Variants in KRT8 observed in about 807,000 individuals in gnomAD.
KRT8 encodes the protein keratin 8.
A neutral mutation model predicts 43.0 loss-of-function variants in KRT8; 24 were observed. The observed-to-expected ratio is 0.56, with a 90% CI of 0.40 to 0.78. The LOEUF (loss-of-function observed/expected upper bound fraction) is 0.78, where lower values mean the gene tolerates loss of function less well. Ranked by LOEUF, KRT8 falls within the 30% of genes least tolerant of loss-of-function variation. KRT8 has a pLI of 0.00. For missense variants in KRT8, 492 were observed against 638.4 expected, an observed-to-expected ratio of 0.77 and a Z score of 2.47; for synonymous variants, 214 against 261.2, an observed-to-expected ratio of 0.82 and a Z score of 1.74.
At chr12:52,917,708 C>CAAAAAAAAAAAAA (rs535303270) in intron 2 of KRT8, among the ~76,000 whole-genome samples, 157 of 29,862 alleles carry the variant, frequency 5.3e-3, no homozygotes, top group South Asian at 0.013. Context: ...GACTCTGTCT[C>CAAAAAAAAAAAAA]AAAAAAAAAA....
At chr12:52,919,256 G>T (rs1427705820) in intron 2 of KRT8, among the ~76,000 whole-genome samples, 3 of 151,822 alleles carry the variant, frequency 2.0e-5, no homozygotes, top group Admixed American at 2.0e-4. Flanking sequence ...ATCATGATGG[G>T]TTTCTTTTTT....
intron 5 of KRT8, among the ~76,000 whole-genome samples, chr12:52,899,302 A>G (rs111748820): frequency 0.041 from 6,249 of 152,124 alleles, 162 homozygotes; most frequent in African/African-American, 0.068. Context: ...GCGACAGAGC[A>G]AGACTCTGTC....
chr12:52,923,665 G>A (rs553775478), intron 2 of KRT8, among the ~76,000 whole-genome samples: 45 of 152,110 alleles, frequency 3.0e-4, no homozygotes, highest in African/African-American at 9.6e-4. Flanking sequence ...TGATCCGCCC[G>A]CCTCGGCCTC....
chr12:52,897,773 C>T (rs919351527), intron 7 of KRT8, among the ~76,000 whole-genome samples, 155 bp from the exon 8 acceptor site: 2 of 152,230 alleles, frequency 1.3e-5, no homozygotes, highest in African/African-American at 4.8e-5. Flanking sequence ...TACTCCAGAA[C>T]TGTCAGGGAA....
chr12:52,916,741 ACAGTC>A (rs1280272907), intron 2 of KRT8, among the ~76,000 whole-genome samples: 5 of 152,148 alleles, frequency 3.3e-5, no homozygotes, highest in African/African-American at 9.7e-5. Flanking sequence ...AAAACCCACC[ACAGTC>A]CTCAGCAGCA....
chr12:52,898,041 G>A (rs1941258093), intron 7 of KRT8, among the ~76,000 whole-genome samples: 1 of 152,224 alleles, frequency 6.6e-6, no homozygotes, highest in East Asian at 1.9e-4. Flanking sequence ...GTATGCGCCT[G>A]TAGTCCCAGC....
At chr12:52,928,545 C>A (rs747025359) in intron 2 of KRT8, among the ~76,000 whole-genome samples, 20 of 152,206 alleles carry the variant, frequency 1.3e-4, no homozygotes, top group Non-Finnish European at 2.5e-4. Context: ...CTCCCACCCC[C>A]ATCCCAGGCT....
intron 2 of KRT8, among the ~76,000 whole-genome samples, chr12:52,918,391 C>T (rs983682777): frequency 6.6e-6 from 1 of 152,058 alleles, no homozygotes; most frequent in African/African-American, 2.4e-5. Flanking sequence ...CTGCATGCAT[C>T]ACCTCATTTA....
In KRT8 at chr12:52,902,862, AT is replaced by A. The variant is rs372972067; in HGVS notation, c.325-791del. On this transcript the variant is annotated intron_variant, in intron 1 of 7. Transcript: ENST00000692008. The stretch of plus-strand genomic sequence containing the variant: ...CCCTGTCCCTACAAATAATACAAAA[AT>A]TAACCGGGCATGGTGGCACGCACTT... Among the ~76,000 whole-genome samples the A allele has an allele frequency of 5.7e-4, 86 of 152,204 alleles. 1 individual carries two copies. The South Asian group carries it at 9.7e-3, about 17-fold the overall frequency.
chr12:52,938,170 A>ATATATATATATATATATATATATTTT (rs1555189967), intron 2 of KRT8, among the ~76,000 whole-genome samples: 1 of 30,318 alleles, frequency 3.3e-5, no homozygotes, highest in Non-Finnish European at 5.9e-5. Flanking sequence ...ATATATATAT[A>ATATATATATATATATATATATATTTT]TTTTTTTTTT....
At chr12:52,936,608 G>A (rs1340906557) in intron 2 of KRT8, among the ~76,000 whole-genome samples, 1 of 152,164 alleles carries the variant, frequency 6.6e-6, no homozygotes, top group Non-Finnish European at 1.5e-5. Context: ...TGCCTCCCAG[G>A]TTCAAGCGAT....
chr12:52,899,025 A>G, intron 5 of KRT8, 126 bp from the exon 6 acceptor site: 1 of 839,934 alleles, frequency 1.2e-6, no homozygotes, highest in Non-Finnish European at 1.9e-6. Context: ...AAATTAAATG[A>G]GACTAAGGGC....
At chr12:52,915,843 A>G (rs1941727993) in intron 2 of KRT8, among the ~76,000 whole-genome samples, 1 of 152,270 alleles carries the variant, frequency 6.6e-6, no homozygotes, top group African/African-American at 2.4e-5. Flanking sequence ...AGGTATAAAG[A>G]TATCCGTGTA....
At chr12:52,899,704 C>G (rs1211341351) in intron 5 of KRT8, 71 bp downstream of exon 5, 3 of 1,420,622 alleles carry the variant, frequency 2.1e-6, no homozygotes, top group Non-Finnish European at 3.0e-6. Flanking sequence ...AGAAACTTCA[C>G]TCTTCCTACA....
Position 52,899,794 on chromosome 12 carries a change from ATC to A in KRT8, c.960_961del (p.Glu320AspfsTer2). 6.2e-7 allele frequency: 1 copy of A among 1,611,826 alleles called. No individual in the cohort carries two copies. The highest frequency in any genetic ancestry group is 1.1e-5 in the South Asian group (1 of 90,968). ...CCATACCTGGCCTTTGAGGCCCTCA[ATC>A]TCAGCCTGGAGCCGGCTGATGTTCC... On this transcript the variant is annotated frameshift_variant, in exon 5 of 8. Coordinates refer to ENST00000692008, the Ensembl canonical transcript of KRT8. LOFTEE classifies it high-confidence loss of function.
intron 2 of KRT8, among the ~76,000 whole-genome samples, chr12:52,939,181 A>G (rs1265283730): frequency 3.3e-5 from 5 of 152,190 alleles, no homozygotes; most frequent in Non-Finnish European, 7.3e-5. Flanking sequence ...GGGGCATGCA[A>G]AATGGTACAG....
intron 3 of KRT8, 200 bp from the exon 4 acceptor site, chr12:52,900,883 C>T: frequency 1.6e-6 from 1 of 639,160 alleles, no homozygotes. Context: ...GCAACACACC[C>T]TCTTCCACCT....
Position 52,918,180 on chromosome 12 carries a change from G to GGAAGAGGAA in KRT8, c.-46-13154_-46-13153insTTCCTCTTC, listed in dbSNP as rs1555188331. ...GGGAAGAAGAAGAAGAAGAGGAAGA[G>GGAAGAGGAA]GAAGAAGAAGAAGAAGAAGAAGAAC... On this transcript the variant is annotated intron_variant, in intron 2 of 6. Coordinates refer to the KRT8 transcript ENST00000546826. 2.1e-3 allele frequency among the ~76,000 whole-genome samples: 154 copies of GGAAGAGGAA among 73,806 alleles called. 5 individuals carry two copies. The highest frequency in any genetic ancestry group is 9.1e-3 in the African/African-American group (151 of 16,588). 48.4% of individuals were successfully genotyped at this position (73,806 alleles called of 152,430 possible). A position where few individuals can be genotyped will look rare whatever the true frequency, so the allele number is the denominator to read the frequency against.
intron 4 of KRT8, among the ~76,000 whole-genome samples, chr12:52,900,318 A>G (rs1941335785): frequency 6.6e-6 from 1 of 151,926 alleles, no homozygotes. Flanking sequence ...GAATCACCAC[A>G]CCCTATGATG....
Sources: gnomAD v4.1 joint callset for allele counts (sites outside exome capture counted in the v4.1 genomes callset) on GRCh38, gnomAD v4.1.1 for gene constraint, MANE v1.5 for transcripts, NCBI Gene and HGNC (gene_info 2026-07-23, HGNC 2026-07-21) for gene names.